RIPOR3: variants seen among roughly 807,000 people sequenced by gnomAD.
RIPOR3 encodes the protein RIPOR family member 3.
RIPOR3 carries 95 observed loss-of-function variants against 114.3 expected under a neutral mutation model. That is an observed-to-expected ratio of 0.83 (90% CI 0.70 to 0.99). The LOEUF is 0.99. RIPOR3 is among the 50% of genes least tolerant of loss of function. The pLI is 0.00. For synonymous variants in RIPOR3, 575 were observed against 543.8 expected (o/e 1.06, Z -0.80); for missense variants, 1,252 against 1,266.9 (o/e 0.99, Z 0.18).
chr20:50,677,723 G>A (rs909445286), intron 1 of RIPOR3, among the ~76,000 whole-genome samples: 7 of 143,428 alleles, frequency 4.9e-5, no homozygotes, highest in African/African-American at 1.8e-4. Flanking sequence ...AGGCTGGAGT[G>A]CAGTGGGGCG....
rs1395879776 is a variant in RIPOR3 at position 50,609,652 on chromosome 20, G to T, written c.497C>A (p.Ala166Asp). 7.1e-7 allele frequency: 1 copy of T among 1,398,694 alleles called. No individual in the cohort carries two copies. The highest frequency in any genetic ancestry group is 9.3e-7 in the Non-Finnish European group (1 of 1,078,730). 86.6% of individuals were successfully genotyped at this position (1,398,694 alleles called of 1,614,324 possible). A position where few individuals can be genotyped will look rare whatever the true frequency, so the allele number is the denominator to read the frequency against. ...LRDGASSMQR[A>D]FARCPPSRAA... ...GCGGCTCGGGGGGCACCGGGCGAAGGCCCGCTGCATGCTGGAGGCGCCGTC... is the reference window on the plus strand; with the variant it reads ...GCGGCTCGGGGGGCACCGGGCGAAGTCCCGCTGCATGCTGGAGGCGCCGTC... The change falls in exon 7 of 22, where the codon GCC becomes GAC. Residue 166 changes from alanine to aspartate, a missense_variant. Transcript: ENST00000327979.
At chr20:50,655,546 G>T (rs1054757485) in intron 1 of RIPOR3, among the ~76,000 whole-genome samples, 2 of 152,162 alleles carry the variant, frequency 1.3e-5, no homozygotes, top group African/African-American at 4.8e-5. Context: ...CTTCTCACAG[G>T]AAAAATATTT....
intron 1 of RIPOR3, among the ~76,000 whole-genome samples, chr20:50,683,135 GTACC>G (rs2086912268): frequency 6.6e-6 from 1 of 152,182 alleles, no homozygotes; most frequent in Admixed American, 6.6e-5. Context: ...CCGCTGAATT[GTACC>G]CTTAAAATGG....
At position 50,602,190 on chromosome 20, in the gene RIPOR3, C is replaced by T; in HGVS notation, c.1541G>A (p.Gly514Asp). 4.3e-6 allele frequency: 7 copies of T among 1,613,486 alleles called. No homozygotes were observed. The highest frequency in any genetic ancestry group is 5.9e-6 in the Non-Finnish European group (7 of 1,179,868). ...CTGCAGAGGCCCCTCGAGGGCCACG[C>T]CAGGCCCGTCCTCTCTGTCCCCGGT... ...GATGDREDGP[G>D]VALEGPLQEV... Residue 514 changes from glycine (G) to aspartate (D), a missense_variant, in exon 13 of 22, where the codon GGC (glycine) becomes GAC (aspartate). By Grantham distance (94) the Gly-to-Asp change is moderately conservative. Coordinates refer to ENST00000327979, the MANE Select transcript of RIPOR3 (RefSeq NM_001290268.2). The surrounding 1 kb of genome is among the most constrained non-coding windows in gnomAD (Gnocchi z 4.3).
chr20:50,671,440 A>G (rs1313183907), intron 1 of RIPOR3, among the ~76,000 whole-genome samples: 1 of 151,840 alleles, frequency 6.6e-6, no homozygotes, highest in Non-Finnish European at 1.5e-5. Flanking sequence ...ACACACACAC[A>G]CACACACACA....
intron 15 of RIPOR3, 86 bp downstream of exon 15, chr20:50,596,054 T>G (rs1301092885): frequency 6.3e-7 from 1 of 1,575,914 alleles, no homozygotes; most frequent in Non-Finnish European, 8.6e-7. Context: ...CCCTTCATGC[T>G]TCCCACCACC....
intron 17 of RIPOR3, 27 bp downstream of exon 17, chr20:50,594,526 G>A: frequency 2.5e-6 from 4 of 1,601,172 alleles, no homozygotes; most frequent in Non-Finnish European, 3.4e-6. Flanking sequence ...TCTGTGGGAG[G>A]GGACGACAGG....
At chr20:50,607,924 A>G (rs2083783073) in intron 11 of RIPOR3, among the ~76,000 whole-genome samples, 1 of 152,184 alleles carries the variant, frequency 6.6e-6, no homozygotes, top group South Asian at 2.1e-4. Flanking sequence ...CTCCACGCTC[A>G]TGGGCATGCA....
intron 1 of RIPOR3, among the ~76,000 whole-genome samples, chr20:50,657,265 A>C: frequency 6.6e-6 from 1 of 152,200 alleles, no homozygotes; most frequent in East Asian, 1.9e-4. Flanking sequence ...GGTGGTTCAC[A>C]CCTATAATCC....
At chr20:50,641,452 A>C (rs1209440098) in intron 1 of RIPOR3, among the ~76,000 whole-genome samples, 1 of 152,118 alleles carries the variant, frequency 6.6e-6, no homozygotes, top group Non-Finnish European at 1.5e-5. Flanking sequence ...GTGTGATCAT[A>C]GCTCACTGCA....
chr20:50,590,617 A>G (rs562934371), intron 19 of RIPOR3, among the ~76,000 whole-genome samples: 2 of 152,298 alleles, frequency 1.3e-5, no homozygotes, highest in South Asian at 2.1e-4. Flanking sequence ...CCTCCTACAC[A>G]GGGCTCTGGT....
At chr20:50,616,824 G>T (rs1305950611) in intron 3 of RIPOR3, among the ~76,000 whole-genome samples, 1 of 152,122 alleles carries the variant, frequency 6.6e-6, no homozygotes, top group Non-Finnish European at 1.5e-5. Context: ...TCATGGGGAG[G>T]TCATCATGGC....
chr20:50,608,654 T>G lies in RIPOR3; in HGVS notation c.769A>C (p.Lys257Gln), dbSNP rs1399783379. ...TCATGCAGCGTGGGGATGAAGGCCT[T>G]CTCCTCTTCGTCCCAGGTCTGGCTG... ...DDSQTWDEEEKAFIPTLHENL... is the reference protein window; with the variant it reads ...DDSQTWDEEEQAFIPTLHENL... The change falls in exon 10 of 22, where the codon AAG becomes CAG. Residue 257 changes from lysine (K) to glutamine (Q), a missense_variant. Lys to Gln is a moderately conservative substitution (Grantham distance 53, BLOSUM62 1). Transcript: ENST00000327979. 1 of 1,614,008 alleles carries G rather than the reference T, an allele frequency of 6.2e-7. No individual in the cohort carries two copies.
intron 1 of RIPOR3, among the ~76,000 whole-genome samples, chr20:50,648,622 C>G (rs2085499439): frequency 6.6e-6 from 1 of 152,056 alleles, no homozygotes; most frequent in Non-Finnish European, 1.5e-5. Flanking sequence ...AATTATACAA[C>G]TCACATTCCA....
chr20:50,678,851 C>T (rs181387235), intron 1 of RIPOR3, among the ~76,000 whole-genome samples: 1 of 151,946 alleles, frequency 6.6e-6, no homozygotes, highest in Non-Finnish European at 1.5e-5. Flanking sequence ...TGCCTGTAAT[C>T]CCAGCACTTT....
intron 1 of RIPOR3, among the ~76,000 whole-genome samples, chr20:50,678,788 C>T (rs1475858667): frequency 1.3e-5 from 2 of 152,008 alleles, no homozygotes; most frequent in East Asian, 1.9e-4. Flanking sequence ...GTTATTAACT[C>T]ATTCAATCCT....
Position 50,626,220 on chromosome 20 carries a change from C to T in RIPOR3, c.122+4518G>A, listed in dbSNP as rs190486496. Among the ~76,000 whole-genome samples the T allele has an allele frequency of 1.8e-3, 273 of 152,394 alleles. 1 individual carries two copies. The highest frequency in any genetic ancestry group is 6.1e-3 in the African/African-American group (253 of 41,602). ...CAGGAAGTTAAAAATAGATGCACCG[C>T]TTCCCCGTCGGTGTGGGCAGCTTCT... On this transcript the variant is annotated intron_variant, in intron 2 of 21. Coordinates refer to ENST00000327979, the MANE Select transcript of RIPOR3 (RefSeq NM_001290268.2).
intron 1 of RIPOR3, among the ~76,000 whole-genome samples, chr20:50,665,438 T>TTTTTTTTTTG (rs2086154808): frequency 6.7e-6 from 1 of 148,160 alleles, no homozygotes; most frequent in African/African-American, 2.5e-5. Flanking sequence ...TTTTTTTTTT[T>TTTTTTTTTTG]GAGATGGAGT....
intron 2 of RIPOR3, among the ~76,000 whole-genome samples, chr20:50,628,118 A>G (rs1568888931): frequency 6.6e-6 from 1 of 152,222 alleles, no homozygotes; most frequent in Non-Finnish European, 1.5e-5. Context: ...TTAAGTTGAG[A>G]AACAGCATCA....
Sources: gnomAD v4.1 joint callset for allele counts (sites outside exome capture counted in the v4.1 genomes callset) on GRCh38, gnomAD v4.1.1 for gene constraint, Gnocchi (gnomAD v3.1) non-coding constraint, MANE v1.5 for transcripts, NCBI Gene and HGNC (gene_info 2026-07-23, HGNC 2026-07-21) for gene names.